The following FARP1 variants were observed in gnomAD, a reference collection of about 807,000 sequenced individuals.
FARP1 encodes the protein FERM, ARH/RhoGEF and pleckstrin domain protein 1.
FARP1 carries 52 observed loss-of-function variants against 128.8 expected under a neutral mutation model. The ratio of observed to expected loss-of-function variants is 0.40; its 90% confidence interval spans 0.32 to 0.51. The LOEUF is 0.51. Ranked by LOEUF, FARP1 falls within the 20% of genes least tolerant of loss-of-function variation. The pLI, the probability that FARP1 is intolerant of heterozygous loss-of-function variation, is 0.45. For missense variants in FARP1, 1,333 were observed against 1,367.9 expected (o/e 0.97, Z 0.40); for synonymous variants, 580 against 551.8 (o/e 1.05, Z -0.72).
intron 2 of FARP1, among the ~76,000 whole-genome samples, chr13:98,240,835 C>T (rs757481349): frequency 2.6e-5 from 4 of 152,152 alleles, no homozygotes; most frequent in South Asian, 2.1e-4. Flanking sequence ...GAAGGGCTTT[C>T]GGGGAAGGAC....
At position 98,454,059 on chromosome 13, in the gene FARP1, C is replaced by T. The variant is rs1466467553; in HGVS notation, c.*5742C>T. The T allele has an allele frequency of 2.0e-5, 3 of 152,090 alleles. No individual in the cohort carries two copies. The highest frequency in any genetic ancestry group is 2.9e-5 in the Non-Finnish European group (2 of 68,028). 9.4% of individuals were successfully genotyped at this position (152,090 alleles called of 1,614,324 possible). ...TTGGGATATTCAGCCTGTATATGTG[C>T]ACTATATAAGTATATTTACATGAAC... On this transcript the variant is annotated 3_prime_UTR_variant, in exon 27 of 27. Transcript: ENST00000319562.
chr13:98,336,200 TA>T (rs1887735713), intron 2 of FARP1, among the ~76,000 whole-genome samples: 1 of 152,232 alleles, frequency 6.6e-6, no homozygotes, highest in African/African-American at 2.4e-5. Flanking sequence ...AACTTTGTTA[TA>T]GAAATAACCT....
intron 16 of FARP1, among the ~76,000 whole-genome samples, chr13:98,422,838 T>C (rs1891642680): frequency 1.3e-5 from 2 of 152,176 alleles, no homozygotes; most frequent in African/African-American, 4.8e-5. Context: ...GCCGGAGGGT[T>C]CTTAGCCACC....
intron 1 of FARP1, among the ~76,000 whole-genome samples, chr13:98,190,870 T>G (rs996947833): frequency 6.6e-6 from 1 of 152,072 alleles, no homozygotes; most frequent in African/African-American, 2.4e-5. Flanking sequence ...CAAGTAGATC[T>G]ATGAGTGATC....
intron 2 of FARP1, among the ~76,000 whole-genome samples, chr13:98,244,105 A>C (rs1299122430): frequency 6.6e-6 from 1 of 152,152 alleles, no homozygotes; most frequent in African/African-American, 2.4e-5. Flanking sequence ...GGGCTTTTCA[A>C]TGAGAATATA....
At chr13:98,252,696 C>G (rs1381532070) in intron 2 of FARP1, among the ~76,000 whole-genome samples, 3 of 152,174 alleles carry the variant, frequency 2.0e-5, no homozygotes, top group Non-Finnish European at 4.4e-5. Context: ...TTAATACCCA[C>G]CCACTTAGTT....
At chr13:98,159,462 TTTAA>T (rs1797838656) in intron 1 of FARP1, 1 of 150,810 alleles carries the variant, frequency 6.6e-6, no homozygotes, top group African/African-American at 2.4e-5. Context: ...GTGGATTTTT[TTTAA>T]TTGTGATTTT....
At chr13:98,229,882 G>A (rs947585293) in intron 2 of FARP1, among the ~76,000 whole-genome samples, 10 of 151,916 alleles carry the variant, frequency 6.6e-5, no homozygotes, top group African/African-American at 2.4e-4. Flanking sequence ...CTACTGTATT[G>A]GCTGTTATGG....
chr13:98,251,081 C>T (rs1359639356), intron 2 of FARP1, among the ~76,000 whole-genome samples: 4 of 152,270 alleles, frequency 2.6e-5, no homozygotes, highest in African/African-American at 7.2e-5. Flanking sequence ...AGAAAAATGA[C>T]GATTTCTAAT....
intron 1 of FARP1, among the ~76,000 whole-genome samples, chr13:98,170,517 C>T (rs550641025): frequency 3.9e-4 from 59 of 152,218 alleles, no homozygotes; most frequent in African/African-American, 9.4e-4. Context: ...CCACCACGCC[C>T]GGCTAATTTT....
intron 2 of FARP1, among the ~76,000 whole-genome samples, chr13:98,251,462 C>T (rs1176806103): frequency 6.6e-6 from 1 of 152,024 alleles, no homozygotes; most frequent in Non-Finnish European, 1.5e-5. Flanking sequence ...GCGGGTGGAT[C>T]ACTTGAGGTC....
At chr13:98,366,951 G>A (rs1360390821) in intron 4 of FARP1, among the ~76,000 whole-genome samples, 2 of 152,046 alleles carry the variant, frequency 1.3e-5, no homozygotes, top group African/African-American at 4.8e-5. Context: ...GTATATGATA[G>A]TGAAAAGTAA....
At chr13:98,326,584 G>C (rs1887245379) in intron 2 of FARP1, among the ~76,000 whole-genome samples, 1 of 152,054 alleles carries the variant, frequency 6.6e-6, no homozygotes, top group Admixed American at 6.6e-5. Context: ...ACTACAATTG[G>C]GACTAATCAT....
Position 98,388,372 on chromosome 13 carries a change from T to C in FARP1, c.760-11T>C, listed in dbSNP as rs1312704770. 1 of 1,610,008 alleles carries C rather than the reference T, an allele frequency of 6.2e-7. No homozygotes were observed. Among genetic ancestry groups the C allele is most frequent in the Non-Finnish European group, 8.5e-7 (1 of 1,176,190 alleles). On this transcript the variant is annotated splice_polypyrimidine_tract_variant and intron_variant, in intron 8 of 26. Coordinates refer to ENST00000319562, the MANE Select transcript of FARP1 (RefSeq NM_005766.4). Reference sequence around the variant, plus strand: ...CATTTCCTGGCTCACTGCTACTGTCTTTCTTTTTAGGGTTTCACTAAGATC... The same window carrying C: ...CATTTCCTGGCTCACTGCTACTGTCCTTCTTTTTAGGGTTTCACTAAGATC...
rs71111927 is a variant in FARP1, at chr13:98,165,710, G to GTTTTT, written c.-24+22247_-24+22251dup. ...AAAAAAAAAAACCCTTCCAGAAGGG[G>GTTTTT]TTTTTTTTTTTTTTTTTTTTTTTTT... On this transcript the variant is annotated intron_variant, in intron 1 of 26. Transcript: ENST00000319562. Among the ~76,000 whole-genome samples, 143 of 74,120 alleles carry GTTTTT rather than the reference G, an allele frequency of 1.9e-3. 3 individuals carry two copies. The highest frequency in any genetic ancestry group is 4.6e-3 in the East Asian group (10 of 2,190). The allele number at this position is 74,120 out of a possible 152,430, so 48.6% of individuals were successfully genotyped here. A position where few individuals can be genotyped will look rare whatever the true frequency, so the allele number is the denominator to read the frequency against.
rs746524127 is a variant in FARP1 at position 98,409,538 on chromosome 13, G to A, written c.1602+13G>A. The A allele has an allele frequency of 5.1e-6, 8 of 1,583,540 alleles. No individual in the cohort carries two copies. Among genetic ancestry groups the A allele is most frequent in the Non-Finnish European group, 6.9e-6 (8 of 1,160,450 alleles). On this transcript the variant is annotated intron_variant, in intron 14 of 26. Coordinates refer to ENST00000319562, the MANE Select transcript of FARP1 (RefSeq NM_005766.4). Reference sequence around the variant, plus strand: ...GGGCCGGAGGAAGGTACAGGGCCGAGGGCTCAAGCGCGTGTGTGGCTGTGT... The same window carrying A: ...GGGCCGGAGGAAGGTACAGGGCCGAAGGCTCAAGCGCGTGTGTGGCTGTGT...
At position 98,446,825 on chromosome 13, in the gene FARP1, C is replaced by T; in HGVS notation, c.3056+8C>T. The T allele has an allele frequency of 1.2e-6, 2 of 1,613,854 alleles. No individual in the cohort carries two copies. The highest frequency in any genetic ancestry group is 8.5e-7 in the Non-Finnish European group (1 of 1,179,848). ...CGAGTACACGTTCGAAAGGTAGACACCCCCTTCCCACGCACAGGGCCCTGC... is the reference window on the plus strand; with the variant it reads ...CGAGTACACGTTCGAAAGGTAGACATCCCCTTCCCACGCACAGGGCCCTGC... On this transcript the variant is annotated splice_region_variant and intron_variant, in intron 26 of 26. Transcript: ENST00000319562.
Position 98,244,367 on chromosome 13 carries a change from A to G in FARP1, c.171+30954A>G, listed in dbSNP as rs907922454. 3 of 748,214 alleles carry G rather than the reference A, an allele frequency of 4.0e-6. No individual in the cohort carries two copies. The African/African-American group carries it at 5.3e-5, about 13-fold the overall frequency. The allele number at this position is 748,214 out of a possible 1,614,324, so 46.3% of individuals were successfully genotyped here. ...GGCTGGTGTTACCATCACCCAGTCA[A>G]GGTAATAAACATATCCATCACTTCC... On this transcript the variant is annotated intron_variant, in intron 2 of 26. Coordinates refer to ENST00000319562, the MANE Select transcript of FARP1 (RefSeq NM_005766.4).
intron 1 of FARP1, among the ~76,000 whole-genome samples, chr13:98,170,385 C>G (rs1877570524): frequency 6.6e-6 from 1 of 152,048 alleles, no homozygotes. Context: ...GAGACAGAGT[C>G]TTGCTCTGTC....
Sources: gnomAD v4.1 joint callset for allele counts (sites outside exome capture counted in the v4.1 genomes callset) on GRCh38, gnomAD v4.1.1 for gene constraint, MANE v1.5 for transcripts, NCBI Gene and HGNC (gene_info 2026-07-23, HGNC 2026-07-21) for gene names.